GLG1: variants seen among roughly 807,000 people sequenced by gnomAD.
GLG1 encodes golgi glycoprotein 1, also known as Golgi apparatus protein 1.
In GLG1, 38 loss-of-function variants were observed where a neutral mutation model predicts 160.5. The observed-to-expected ratio is 0.24, with a 90% CI of 0.18 to 0.31. The LOEUF (loss-of-function observed/expected upper bound fraction) is 0.31, where lower values mean the gene tolerates loss of function less well. Ranked by LOEUF, GLG1 falls within the 10% of genes least tolerant of loss-of-function variation. The pLI, the probability that GLG1 is intolerant of heterozygous loss-of-function variation, is 1.00. For missense variants in GLG1, 1,373 were observed against 1,505.2 expected (o/e 0.91, Z 1.45); for synonymous variants, 644 against 543.4 (o/e 1.19, Z -2.57).
rs1417827543 is a variant in GLG1, at chr16:74,508,867, C to T, written c.530G>A (p.Arg177Lys). ...TTDPKFESVA[R>K]EVCKSTITEI... ...TGTTATAGTAGATTTGCAAACCTCT[C>T]TGGCCACAGATTCAAATTTGGGATC... is the stretch of plus-strand genomic sequence containing the variant. Residue 177 changes from arginine (R) to lysine (K), a missense_variant, in exon 3 of 26, where the codon AGA (arginine) becomes AAA (lysine). By Grantham distance (26) the Arg-to-Lys change is conservative. Coordinates refer to ENST00000422840, the MANE Select transcript of GLG1 (RefSeq NM_001145667.2). The T allele has an allele frequency of 6.5e-7, 1 of 1,533,990 alleles. No individual in the cohort carries two copies. The highest frequency in any genetic ancestry group is 9.0e-7 in the Non-Finnish European group (1 of 1,108,104).
At chr16:74,576,706 AC>A (rs1209147565) in intron 1 of GLG1, among the ~76,000 whole-genome samples, 1 of 152,226 alleles carries the variant, frequency 6.6e-6, no homozygotes, top group African/African-American at 2.4e-5. Context: ...AAATTAGAGA[AC>A]AAATCTATTC....
intron 1 of GLG1, among the ~76,000 whole-genome samples, chr16:74,548,497 A>T (rs1258275783): frequency 6.6e-6 from 1 of 152,206 alleles, no homozygotes; most frequent in Non-Finnish European, 1.5e-5. Context: ...AATTCTAGGC[A>T]TTCACTGGCA....
chr16:74,472,589 G>T (rs531265358), intron 13 of GLG1, 178 bp from the exon 14 acceptor site: 1 of 1,491,878 alleles, frequency 6.7e-7, no homozygotes. Flanking sequence ...CTGCTCCTCC[G>T]TTATACTTTG....
chr16:74,451,789 C>T lies in GLG1; in HGVS notation c.*1378G>A. 1 of 435,330 alleles carries T rather than the reference C, an allele frequency of 2.3e-6. No individual in the cohort carries two copies. The highest frequency in any genetic ancestry group is 2.6e-5 in the South Asian group (1 of 39,208). 27.0% of individuals were successfully genotyped at this position (435,330 alleles called of 1,614,324 possible). A position where few individuals can be genotyped will look rare whatever the true frequency, so the allele number is the denominator to read the frequency against. ...ATGCCCGGACCCCTCCCTCTCACAC[C>T]CAGACTTGTCATCTCCACACTGGAG... On this transcript the variant is annotated 3_prime_UTR_variant, in exon 26 of 26. Transcript: ENST00000422840.
chr16:74,600,541 G>A (rs1285847114), intron 1 of GLG1, among the ~76,000 whole-genome samples: 4 of 151,698 alleles, frequency 2.6e-5, no homozygotes. Context: ...AGACCAGCCT[G>A]GCCAGTGTGG....
chr16:74,492,134 C>G (rs1262573091), intron 7 of GLG1, among the ~76,000 whole-genome samples: 1 of 151,050 alleles, frequency 6.6e-6, no homozygotes, highest in Non-Finnish European at 1.5e-5. Context: ...CGCCTGTAAT[C>G]CCAGCACTTT....
intron 18 of GLG1, among the ~76,000 whole-genome samples, chr16:74,466,174 A>G (rs907611930): frequency 6.6e-6 from 1 of 152,246 alleles, no homozygotes; most frequent in African/African-American, 2.4e-5. Context: ...CAGTGGGCAC[A>G]AACCAGGAGG....
intron 1 of GLG1, among the ~76,000 whole-genome samples, chr16:74,578,995 T>C (rs1957874817): frequency 2.6e-5 from 4 of 152,326 alleles, no homozygotes; most frequent in Middle Eastern, 6.8e-3. Flanking sequence ...TCCATATGAA[T>C]GGGTTGGAAT....
intron 1 of GLG1, among the ~76,000 whole-genome samples, chr16:74,551,164 C>T (rs1247407554): frequency 3.9e-5 from 6 of 152,146 alleles, no homozygotes; most frequent in East Asian, 3.8e-4. Context: ...CAGTGCTAGC[C>T]TTTCCCGTAA....
chr16:74,562,470 T>C (rs2018537092), intron 1 of GLG1, among the ~76,000 whole-genome samples: 1 of 152,222 alleles, frequency 6.6e-6, no homozygotes, highest in Admixed American at 6.5e-5. Context: ...TTTCTTTTTT[T>C]TATTTTCTGT....
At chr16:74,538,745 T>A (rs926332940) in intron 1 of GLG1, among the ~76,000 whole-genome samples, 1 of 112,290 alleles carries the variant, frequency 8.9e-6, no homozygotes, top group African/African-American at 3.5e-5. Flanking sequence ...TTTTTTTTTT[T>A]TTCTTAAAAA....
chr16:74,533,245 C>G (rs71391094), intron 1 of GLG1, among the ~76,000 whole-genome samples: 2 of 151,876 alleles, frequency 1.3e-5, no homozygotes, highest in Non-Finnish European at 2.9e-5. Context: ...CGCATGAACC[C>G]GGGAGGCGGA....
chr16:74,600,745 A>C (rs563142132), intron 1 of GLG1, among the ~76,000 whole-genome samples: 21,361 of 145,274 alleles, frequency 0.15, 2,146 homozygotes, highest in Admixed American at 0.27. Context: ...AAAAAAAAAA[A>C]AAAAAAAAAC....
intron 1 of GLG1, among the ~76,000 whole-genome samples, chr16:74,551,983 C>T (rs983406037): frequency 3.3e-5 from 5 of 151,306 alleles, no homozygotes; most frequent in African/African-American, 1.2e-4. Context: ...CCTTTCCTAC[C>T]GAAGAGTTAA....
intron 1 of GLG1, among the ~76,000 whole-genome samples, chr16:74,603,315 CAGA>C (rs959106081): frequency 2.2e-4 from 33 of 150,290 alleles, no homozygotes; most frequent in South Asian, 1.1e-3. Context: ...GACGCTGAGG[CAGA>C]AGAACTGCTT....
chr16:74,551,432 T>C (rs1445757480), intron 1 of GLG1, among the ~76,000 whole-genome samples: 1 of 149,940 alleles, frequency 6.7e-6, no homozygotes, highest in Non-Finnish European at 1.5e-5. Context: ...GCCTCCTAAA[T>C]AGCTGGGGAC....
chr16:74,526,648 TGGGA>T (rs971787662), intron 2 of GLG1, among the ~76,000 whole-genome samples: 8 of 152,208 alleles, frequency 5.3e-5, no homozygotes, highest in African/African-American at 1.9e-4. Flanking sequence ...CACTTGAGCC[TGGGA>T]GACTGAAGCT....
intron 16 of GLG1, 85 bp downstream of exon 16, chr16:74,469,900 G>T: frequency 2.3e-6 from 2 of 872,074 alleles, no homozygotes; most frequent in Admixed American, 1.7e-5. Context: ...GAGGCAGCAG[G>T]AGGGCTGCCT....
At chr16:74,497,315 C>A (rs7188219) in intron 4 of GLG1, among the ~76,000 whole-genome samples, 121,178 of 144,982 alleles carry the variant, frequency 0.84, 49,112 homozygotes, top group East Asian at 0.94. Context: ...CACACACACA[C>A]AAAAAACCAC....
Sources: allele counts gnomAD v4.1 joint callset (sites outside exome capture counted in the v4.1 genomes callset), GRCh38; gene constraint gnomAD v4.1.1; transcripts MANE v1.5; gene names NCBI Gene and HGNC (gene_info 2026-07-23, HGNC 2026-07-21).